The following CDC16 variants were observed in gnomAD, a reference collection of about 807,000 sequenced individuals.
The protein encoded by CDC16 is cell division cycle protein 16 homolog.
CDC16 carries 34 observed loss-of-function variants against 87.0 expected under a neutral mutation model. That is an observed-to-expected ratio of 0.39 (90% CI 0.30 to 0.52). The LOEUF (loss-of-function observed/expected upper bound fraction) is 0.52, where lower values mean the gene tolerates loss of function less well. Among genes scored for constraint, CDC16 ranks in the 20% least tolerant of loss-of-function variants. CDC16 has a pLI of 0.74. For missense variants in CDC16, 653 were observed against 751.9 expected (o/e 0.87, Z 1.54); for synonymous variants, 263 against 260.6 (o/e 1.01, Z -0.09).
At chr13:114,251,896 C>G (rs1210341290) in intron 12 of CDC16, among the ~76,000 whole-genome samples, 3 of 152,190 alleles carry the variant, frequency 2.0e-5, no homozygotes, top group African/African-American at 7.2e-5. Context: ...TTACACGAAC[C>G]CTATTGGATA....
At chr13:114,257,742 A>G (rs1464976015) in intron 13 of CDC16, among the ~76,000 whole-genome samples, 1 of 152,164 alleles carries the variant, frequency 6.6e-6, no homozygotes, top group Non-Finnish European at 1.5e-5. Flanking sequence ...GCATTTCATG[A>G]TATACAAATT....
chr13:114,255,402 G>C (rs534868568), intron 12 of CDC16, among the ~76,000 whole-genome samples: 2 of 152,030 alleles, frequency 1.3e-5, no homozygotes, highest in East Asian at 3.9e-4. Context: ...ACTGTTACTG[G>C]TAAACCTTAC....
chr13:114,257,797 G>GT (rs1049105080), intron 13 of CDC16, among the ~76,000 whole-genome samples: 3 of 151,778 alleles, frequency 2.0e-5, no homozygotes, highest in Admixed American at 1.3e-4. Context: ...TTTTGTTTTT[G>GT]TTTTTTTGAG....
At chr13:114,236,469 A>G (rs1169919926) in intron 1 of CDC16, among the ~76,000 whole-genome samples, 176 bp from the exon 2 acceptor site, 1 of 152,134 alleles carries the variant, frequency 6.6e-6, no homozygotes, top group African/African-American at 2.4e-5. Flanking sequence ...ACTGAACTAA[A>G]ATTTACCCTA....
chr13:114,257,302 C>A, intron 13 of CDC16, 72 bp downstream of exon 13: 8 of 953,210 alleles, frequency 8.4e-6, no homozygotes, highest in African/African-American at 1.7e-5. Context: ...CACTAGAGTT[C>A]ACTGACAAAA....
intron 11 of CDC16, 84 bp from the exon 12 acceptor site, chr13:114,250,465 C>T: frequency 7.4e-7 from 1 of 1,358,004 alleles, no homozygotes; most frequent in Non-Finnish European, 1.0e-6. Flanking sequence ...GCACTCCAGC[C>T]TGAGCGACAA....
chr13:114,258,157 AT>A (rs1472211334), intron 13 of CDC16, among the ~76,000 whole-genome samples: 1 of 152,188 alleles, frequency 6.6e-6, no homozygotes, highest in South Asian at 2.1e-4. Flanking sequence ...TTATCTAGGT[AT>A]TTTTTAAAAG....
chr13:114,271,222 A>G lies in CDC16; in HGVS notation c.1604-962A>G, dbSNP rs112481173. Among the ~76,000 whole-genome samples, 462 of 151,920 alleles carry G rather than the reference A, an allele frequency of 3.0e-3. 3 individuals are homozygous for G. The highest frequency in any genetic ancestry group is 0.011 in the African/African-American group (444 of 41,426). On this transcript the variant is annotated intron_variant, in intron 17 of 17. Transcript: ENST00000356221. ...AGGCGTGAGCCATCGCGCCCGGCCA[A>G]GATTTACCATTCATGTCATTTTTAT...
At chr13:114,253,719 G>T in intron 12 of CDC16, among the ~76,000 whole-genome samples, 1 of 132,904 alleles carries the variant, frequency 7.5e-6, no homozygotes. Context: ...AATTATTGAG[G>T]CTTTTTTATG....
At chr13:114,243,617 T>TA (rs1477138222) in intron 7 of CDC16, among the ~76,000 whole-genome samples, 2 of 152,230 alleles carry the variant, frequency 1.3e-5, no homozygotes, top group African/African-American at 2.4e-5. Flanking sequence ...ATTTTTTTGT[T>TA]ATGCTTCCTG....
At position 114,242,219 on chromosome 13, in the gene CDC16, T is replaced by TG. The variant is rs2081588558; in HGVS notation, c.481dup (p.Val161GlyfsTer5). The TG allele has an allele frequency of 6.2e-7, 1 of 1,614,104 alleles. No individual in the cohort carries two copies. Among genetic ancestry groups the TG allele is most frequent in the African/African-American group, 1.3e-5 (1 of 74,950 alleles). Reference sequence around the variant, plus strand: ...GCTACAAAGAAGCTTTGAAGCTTGATGTCTACTGTTTTGAAGCGTTCGATC... The same window carrying TG: ...GCTACAAAGAAGCTTTGAAGCTTGATGGTCTACTGTTTTGAAGCGTTCGATC... On this transcript the variant is annotated frameshift_variant, in exon 6 of 18. Coordinates refer to ENST00000356221, the MANE Select transcript of CDC16 (RefSeq NM_001078645.3). LOFTEE classifies it high-confidence loss of function.
intron 13 of CDC16, 59 bp downstream of exon 13, chr13:114,257,289 G>C (rs1237579132): frequency 9.6e-7 from 1 of 1,043,424 alleles, no homozygotes; most frequent in East Asian, 3.2e-5. Context: ...TACAGTAGGT[G>C]ATCACTAGAG....
intron 11 of CDC16, 138 bp downstream of exon 11, chr13:114,247,142 TTC>T (rs915670823): frequency 9.7e-6 from 6 of 620,354 alleles, no homozygotes; most frequent in Admixed American, 3.0e-5. Context: ...TTTCTTTTCT[TTC>T]TCTCTTTCTT....
At chr13:114,246,787 G>A in intron 10 of CDC16, 144 bp from the exon 11 acceptor site, 1 of 637,050 alleles carries the variant, frequency 1.6e-6, no homozygotes, top group Non-Finnish European at 2.8e-6. Context: ...GACCTTAGTA[G>A]ACTGTATTAG....
Position 114,236,647 on chromosome 13 carries a change from A to G in CDC16, c.51A>G (p.Gln17=), listed in dbSNP as rs779389196. 21 of 1,612,118 alleles carry G rather than the reference A, an allele frequency of 1.3e-5. No individual in the cohort carries two copies. Among genetic ancestry groups the G allele is most frequent in the Middle Eastern group, 1.7e-4 (1 of 5,774 alleles). ...RKRVRQYLDQ[Q]QYQSALFWAD... ...CTTTTTTTTTTTTTGGTATGCAGCA[A>G]CAGTATCAAAGTGCTCTATTTTGGG... The change falls in exon 2 of 18, where the codon CAA becomes CAG. Residue 17 remains glutamine (Q), a splice_region_variant and synonymous_variant. Coordinates refer to ENST00000356221, the MANE Select transcript of CDC16 (RefSeq NM_001078645.3).
At chr13:114,259,448 T>G (rs1172671840) in intron 14 of CDC16, 50 bp downstream of exon 14, 1 of 1,014,510 alleles carries the variant, frequency 9.9e-7, no homozygotes, top group African/African-American at 1.7e-5. Context: ...CCTGAGTGTT[T>G]ACTGTTAAAT....
At chr13:114,247,476 G>A (rs887794083) in intron 11 of CDC16, among the ~76,000 whole-genome samples, 9 of 151,486 alleles carry the variant, frequency 5.9e-5, no homozygotes, top group Non-Finnish European at 1.3e-4. Context: ...CTGAATAAAT[G>A]TTTTCTTCAA....
At chr13:114,247,165 T>G in intron 11 of CDC16, 161 bp downstream of exon 11, 1 of 594,454 alleles carries the variant, frequency 1.7e-6, no homozygotes, top group South Asian at 2.1e-5. Context: ...TCTTGCCTTT[T>G]CTTTTCCTTC....
chr13:114,262,462 G>A (rs1407588837), intron 15 of CDC16, among the ~76,000 whole-genome samples: 3 of 152,106 alleles, frequency 2.0e-5, no homozygotes, highest in East Asian at 1.9e-4. Flanking sequence ...GTATTCCAGA[G>A]AACTTTAAGG....
Sources: gnomAD v4.1 joint callset for allele counts (sites outside exome capture counted in the v4.1 genomes callset) on GRCh38, gnomAD v4.1.1 for gene constraint, MANE v1.5 for transcripts, NCBI Gene and HGNC (gene_info 2026-07-23, HGNC 2026-07-21) for gene names.